Variants in DPP10 observed in about 807,000 individuals in gnomAD.
The protein encoded by DPP10 is dipeptidyl peptidase like 10, also known as inactive dipeptidyl peptidase 10.
A neutral mutation model predicts 120.9 loss-of-function variants in DPP10; 33 were observed. The ratio of observed to expected loss-of-function variants is 0.27; its 90% CI spans 0.21 to 0.37. The LOEUF is 0.37. DPP10 is among the 10% of genes least tolerant of loss of function. The pLI, the probability that DPP10 is intolerant of heterozygous loss-of-function variation, is 1.00. For synonymous variants in DPP10, 337 were observed against 326.1 expected (o/e 1.03, Z -0.36); for missense variants, 816 against 942.8 (o/e 0.87, Z 1.76).
At chr2:114,965,599 T>C (rs1159395299) in intron 1 of DPP10, among the ~76,000 whole-genome samples, 1 of 152,092 alleles carries the variant, frequency 6.6e-6, no homozygotes, top group Non-Finnish European at 1.5e-5. Flanking sequence ...TCTAGGTGAT[T>C]GGTTAAGACC....
At chr2:114,878,520 A>T (rs1028597955) in intron 1 of DPP10, among the ~76,000 whole-genome samples, 7 of 152,074 alleles carry the variant, frequency 4.6e-5, no homozygotes, top group African/African-American at 1.4e-4. Flanking sequence ...GAACACTAAA[A>T]CTTATTTCTT....
At chr2:115,229,782 C>A (rs144047393) in intron 1 of DPP10, among the ~76,000 whole-genome samples, 1 of 150,488 alleles carries the variant, frequency 6.6e-6, no homozygotes, top group East Asian at 1.9e-4. Context: ...ATGCCAGTAG[C>A]ATGTTGTTTG....
chr2:115,376,435 CT>C (rs1158729773), intron 3 of DPP10, among the ~76,000 whole-genome samples: 22 of 150,654 alleles, frequency 1.5e-4, no homozygotes, highest in Middle Eastern at 3.5e-3. Context: ...GAGGGATAAT[CT>C]TTTTTTTTCC....
intron 1 of DPP10, among the ~76,000 whole-genome samples, chr2:114,768,127 CAAAA>C (rs759782705): frequency 1.2e-4 from 6 of 50,060 alleles, no homozygotes; most frequent in Admixed American, 6.7e-4. Flanking sequence ...GGCTCTGTCT[CAAAA>C]AAAAAAAAAA....
chr2:114,472,499 CTCAGAAAG>C, intron 1 of DPP10, among the ~76,000 whole-genome samples: 1 of 152,294 alleles, frequency 6.6e-6, no homozygotes, highest in Non-Finnish European at 1.5e-5. Flanking sequence ...ATTGAGCTTT[CTCAGAAAG>C]TCATTTTAAG....
intron 1 of DPP10, among the ~76,000 whole-genome samples, chr2:114,722,769 C>CT (rs1558671645): frequency 1.2e-5 from 1 of 82,276 alleles, no homozygotes; most frequent in Non-Finnish European, 2.0e-5. Flanking sequence ...GAGCTAGGCT[C>CT]TGTCTCAAAA....
chr2:114,518,102 A>G (rs1259460070), intron 1 of DPP10, among the ~76,000 whole-genome samples: 1 of 118,322 alleles, frequency 8.5e-6, no homozygotes, highest in Non-Finnish European at 1.6e-5. Flanking sequence ...TTTTTTAGAT[A>G]GAGTCCTGCT....
intron 5 of DPP10, among the ~76,000 whole-genome samples, chr2:115,545,834 C>G (rs951129371): frequency 6.6e-6 from 1 of 152,052 alleles, no homozygotes; most frequent in Non-Finnish European, 1.5e-5. Context: ...ACCTCCAGTC[C>G]TAATGAGTTT....
At chr2:114,560,736 G>A (rs1192533363) in intron 1 of DPP10, among the ~76,000 whole-genome samples, 3 of 152,252 alleles carry the variant, frequency 2.0e-5, no homozygotes, top group East Asian at 1.9e-4. Context: ...AACTCTGCCC[G>A]GGCTCCTGGA....
chr2:115,503,159 G>T (rs1254205821), intron 4 of DPP10, among the ~76,000 whole-genome samples: 5 of 152,102 alleles, frequency 3.3e-5, no homozygotes, highest in Admixed American at 6.6e-5. Flanking sequence ...GCAGCAGAAT[G>T]ATTCCAAGCA....
intron 1 of DPP10, among the ~76,000 whole-genome samples, chr2:114,858,880 A>C (rs1436749708): frequency 6.6e-6 from 1 of 152,176 alleles, no homozygotes; most frequent in Non-Finnish European, 1.5e-5. Context: ...TGGGCAGCTA[A>C]TGAGAGCCAG....
At chr2:115,415,055 C>T (rs571170288) in intron 3 of DPP10, among the ~76,000 whole-genome samples, 6 of 152,230 alleles carry the variant, frequency 3.9e-5, no homozygotes, top group East Asian at 1.9e-4. Flanking sequence ...GTGCCTTATT[C>T]TGTTCTTTAA....
chr2:115,472,830 T>A (rs1032538164), intron 3 of DPP10, among the ~76,000 whole-genome samples: 4 of 152,348 alleles, frequency 2.6e-5, no homozygotes, highest in Middle Eastern at 3.4e-3. Context: ...TTTTGGATAC[T>A]CTTTTTAGCA....
intron 1 of DPP10, among the ~76,000 whole-genome samples, chr2:114,670,892 T>G (rs1698290435): frequency 6.6e-6 from 1 of 152,138 alleles, no homozygotes; most frequent in East Asian, 1.9e-4. Flanking sequence ...TAGAGAATGA[T>G]GATGGTGTGA....
In DPP10 at chr2:114,949,410, G is replaced by T. The variant is rs556014952; in HGVS notation, c.61-359829G>T. Among the ~76,000 whole-genome samples, 4 of 152,238 alleles carry T rather than the reference G, an allele frequency of 2.6e-5. No homozygotes were observed. The South Asian group carries it at 8.3e-4, about 32-fold the overall frequency. On this transcript the variant is annotated intron_variant, in intron 1 of 25. Coordinates refer to ENST00000410059, the MANE Select transcript of DPP10 (RefSeq NM_020868.6). ...CAAACCATATCAGAGAGTATTGCTG[G>T]AAGCCACTAGTACCTATTGTTAACC... is the stretch of plus-strand genomic sequence containing the variant.
intron 5 of DPP10, among the ~76,000 whole-genome samples, chr2:115,640,017 T>C (rs780942507): frequency 3.3e-5 from 5 of 151,886 alleles, no homozygotes; most frequent in East Asian, 1.9e-4. Flanking sequence ...AAATAAATTA[T>C]TCATGTCACC....
intron 1 of DPP10, among the ~76,000 whole-genome samples, chr2:114,739,573 C>T (rs545889943): frequency 2.6e-5 from 4 of 152,078 alleles, no homozygotes; most frequent in Non-Finnish European, 4.4e-5. Context: ...ACAGGAGAAT[C>T]GCTTGAACCT....
intron 1 of DPP10, among the ~76,000 whole-genome samples, chr2:114,683,549 T>TTC (rs377342205): frequency 7.0e-5 from 10 of 143,382 alleles, no homozygotes; most frequent in African/African-American, 2.6e-4. Flanking sequence ...CCTTCCTCCC[T>TTC]CTCTCTCTCC....
At chr2:115,770,784 T>C (rs1017023259) in intron 13 of DPP10, among the ~76,000 whole-genome samples, 1 of 152,016 alleles carries the variant, frequency 6.6e-6, no homozygotes, top group African/African-American at 2.4e-5. Flanking sequence ...GATAAAGGAG[T>C]ATATAAAAAT....
Sources: allele counts gnomAD v4.1 joint callset (sites outside exome capture counted in the v4.1 genomes callset), GRCh38; gene constraint gnomAD v4.1.1; transcripts MANE v1.5; gene names NCBI Gene and HGNC (gene_info 2026-07-23, HGNC 2026-07-21).